The following VRK2 variants were observed in gnomAD, a reference collection of about 807,000 sequenced individuals.
VRK2 encodes the protein VRK serine/threonine kinase 2.
A neutral mutation model predicts 57.6 loss-of-function variants in VRK2; 60 were observed. The ratio of observed to expected loss-of-function variants is 1.04; its 90% CI spans 0.85 to 1.29. The LOEUF (loss-of-function observed/expected upper bound fraction) is 1.29. VRK2 is among the 50% of genes most tolerant of loss of function. The pLI, the probability that VRK2 is intolerant of heterozygous loss-of-function variation, is 0.00. For missense variants in VRK2, 705 were observed against 588.1 expected, an observed-to-expected ratio of 1.20 and a Z score of -2.06; for synonymous variants, 231 against 199.2, an observed-to-expected ratio of 1.16 and a Z score of -1.35.
intron 1 of VRK2, among the ~76,000 whole-genome samples, chr2:58,017,106 G>T (rs1033522965): frequency 1.3e-5 from 2 of 152,098 alleles, no homozygotes; most frequent in African/African-American, 2.4e-5. Flanking sequence ...GAATTTCTGG[G>T]GAGCAGTCAC....
chr2:57,909,201 C>A (rs889046920), intron 1 of VRK2, among the ~76,000 whole-genome samples: 2 of 152,178 alleles, frequency 1.3e-5, no homozygotes, highest in Non-Finnish European at 2.9e-5. Flanking sequence ...TCTAACATAA[C>A]TGAACTCATT....
chr2:58,146,530 C>T, intron 12 of VRK2, 56 bp downstream of exon 12: 1 of 1,542,872 alleles, frequency 6.5e-7, no homozygotes, highest in Non-Finnish European at 8.7e-7. Flanking sequence ...TAGAATATGC[C>T]CTTTGGGAAT....
At chr2:58,097,306 G>T (rs1673281756) in intron 7 of VRK2, among the ~76,000 whole-genome samples, 1 of 150,280 alleles carries the variant, frequency 6.7e-6, no homozygotes. Context: ...TTCTCCTATA[G>T]TTTTTTTTTA....
chr2:58,150,108 G>A (rs1462210216), intron 12 of VRK2, among the ~76,000 whole-genome samples: 4 of 145,948 alleles, frequency 2.7e-5, no homozygotes, highest in Non-Finnish European at 6.0e-5. Flanking sequence ...TAATATCCTT[G>A]TATGGTTTTG....
At chr2:57,961,147 A>T (rs368075549) in intron 1 of VRK2, among the ~76,000 whole-genome samples, 1 of 152,262 alleles carries the variant, frequency 6.6e-6, no homozygotes, top group Non-Finnish European at 1.5e-5. Flanking sequence ...ATAAAGAAAC[A>T]TTAAGTAAGG....
intron 1 of VRK2, among the ~76,000 whole-genome samples, chr2:57,945,533 C>T (rs1293301507): frequency 6.6e-6 from 1 of 152,150 alleles, no homozygotes; most frequent in African/African-American, 2.4e-5. Context: ...ATTTTAAATT[C>T]TCATCATGCT....
chr2:58,084,550 G>A lies in VRK2; in HGVS notation c.187-331G>A, dbSNP rs147267906. ...AAGGAGAGTTTGCTGTGTATCACCT[G>A]GATGTATATGTTGGTATACAGTGAG... is the stretch of plus-strand genomic sequence containing the variant. On this transcript the variant is annotated intron_variant, in intron 3 of 12. Coordinates refer to ENST00000340157, the MANE Select transcript of VRK2 (RefSeq NM_006296.7). Among the ~76,000 whole-genome samples the A allele has an allele frequency of 1.4e-4, 21 of 151,938 alleles. No homozygotes were observed. The East Asian group carries it at 2.3e-3, about 17-fold the overall frequency.
At chr2:57,940,071 G>T (rs1671044065) in intron 1 of VRK2, among the ~76,000 whole-genome samples, 1 of 152,156 alleles carries the variant, frequency 6.6e-6, no homozygotes, top group Non-Finnish European at 1.5e-5. Flanking sequence ...ATTAGTCAAG[G>T]TTCTCCAGAG....
chr2:57,979,806 G>A (rs1156240313), intron 1 of VRK2, among the ~76,000 whole-genome samples: 1 of 151,908 alleles, frequency 6.6e-6, no homozygotes, highest in Non-Finnish European at 1.5e-5. Context: ...TTTATTTTAG[G>A]TTTCCTGGTT....
intron 1 of VRK2, among the ~76,000 whole-genome samples, chr2:58,009,130 G>C (rs939424892): frequency 6.6e-6 from 1 of 152,120 alleles, no homozygotes; most frequent in East Asian, 1.9e-4. Context: ...AATTTTGTAG[G>C]GGACACTTTG....
chr2:58,138,044 C>T (rs1680799670), intron 10 of VRK2, among the ~76,000 whole-genome samples: 1 of 152,152 alleles, frequency 6.6e-6, no homozygotes, highest in African/African-American at 2.4e-5. Flanking sequence ...CAGCTGCTAT[C>T]AGTTGGTGGA....
At chr2:58,098,031 G>T (rs1469793613) in intron 7 of VRK2, among the ~76,000 whole-genome samples, 2 of 151,902 alleles carry the variant, frequency 1.3e-5, no homozygotes, top group Non-Finnish European at 2.9e-5. Flanking sequence ...GATGAGATGT[G>T]GCAGACAGTG....
At chr2:57,941,271 TA>T (rs1671084921) in intron 1 of VRK2, among the ~76,000 whole-genome samples, 1 of 152,180 alleles carries the variant, frequency 6.6e-6, no homozygotes, top group Non-Finnish European at 1.5e-5. Flanking sequence ...ATTTCAGTGT[TA>T]AAAAACATAT....
chr2:58,110,713 G>C (rs1158344437), intron 7 of VRK2, among the ~76,000 whole-genome samples: 1 of 152,178 alleles, frequency 6.6e-6, no homozygotes, highest in Non-Finnish European at 1.5e-5. Context: ...GGATTGAACA[G>C]GGAAGGCTTC....
chr2:57,937,482 T>A (rs1670951343), intron 1 of VRK2, among the ~76,000 whole-genome samples: 1 of 152,216 alleles, frequency 6.6e-6, no homozygotes, highest in South Asian at 2.1e-4. Flanking sequence ...AGAATTACGA[T>A]TCTTGTTGTA....
intron 7 of VRK2, among the ~76,000 whole-genome samples, chr2:58,092,949 T>G (rs946580110): frequency 6.6e-6 from 1 of 152,220 alleles, no homozygotes. Context: ...TTCCTGAGAA[T>G]GATGGTTTCC....
At chr2:57,960,340 A>G (rs1671720063) in intron 1 of VRK2, among the ~76,000 whole-genome samples, 1 of 149,870 alleles carries the variant, frequency 6.7e-6, no homozygotes, top group South Asian at 2.1e-4. Context: ...TGCTCAACAC[A>G]TCATCAGTCT....
At chr2:58,013,799 C>T (rs1416854586) in intron 1 of VRK2, among the ~76,000 whole-genome samples, 1 of 135,060 alleles carries the variant, frequency 7.4e-6, no homozygotes, top group Admixed American at 8.4e-5. Context: ...GCGGAGCTTG[C>T]AGTGAGCGGA....
rs193076447 is a variant in VRK2, at chr2:58,151,673, C to G, written c.1182+5199C>G. Among the ~76,000 whole-genome samples the G allele has an allele frequency of 4.9e-5, 7 of 142,786 alleles. No individual in the cohort carries two copies. The East Asian group carries it at 1.5e-3, about 30-fold the overall frequency. The allele number at this position is 142,786 out of a possible 152,430, so 93.7% of individuals were successfully genotyped here. ...ATTTGTTCTTTGTCCCTTTTTACCTCCCTCTTGCTTTATTTTGGACTGATT... is the reference window on the plus strand; with the variant it reads ...ATTTGTTCTTTGTCCCTTTTTACCTGCCTCTTGCTTTATTTTGGACTGATT... On this transcript the variant is annotated intron_variant, in intron 12 of 12. Coordinates refer to ENST00000340157, the MANE Select transcript of VRK2 (RefSeq NM_006296.7).
Sources: gnomAD v4.1 joint callset for allele counts (sites outside exome capture counted in the v4.1 genomes callset) on GRCh38, gnomAD v4.1.1 for gene constraint, MANE v1.5 for transcripts, NCBI Gene and HGNC (gene_info 2026-07-23, HGNC 2026-07-21) for gene names.